The following RAB27A variants were observed in gnomAD, a reference collection of about 807,000 sequenced individuals.
RAB27A encodes ras-related protein Rab-27A.
A neutral mutation model predicts 20.8 loss-of-function variants in RAB27A; 17 were observed. That is an observed-to-expected ratio of 0.82 (90% CI 0.56 to 1.23). RAB27A has a LOEUF of 1.23. Ranked by LOEUF, RAB27A falls within the 50% of genes most tolerant of loss-of-function variation. RAB27A has a pLI of 0.00. For missense variants in RAB27A, 277 were observed against 266.7 expected (o/e 1.04, Z -0.27); for synonymous variants, 85 against 92.8 (o/e 0.92, Z 0.48).
chr15:55,210,022 G>T (rs368360199), intron 6 of RAB27A, among the ~76,000 whole-genome samples: 2 of 132,890 alleles, frequency 1.5e-5, no homozygotes. Context: ...ACATATATAC[G>T]CATATATATG....
chr15:55,272,621 T>C (rs897249050), intron 1 of RAB27A, among the ~76,000 whole-genome samples: 1 of 152,202 alleles, frequency 6.6e-6, no homozygotes, highest in African/African-American at 2.4e-5. Context: ...AAAATATCTT[T>C]CAGACTTCAG....
intron 2 of RAB27A, 105 bp from the exon 3 acceptor site, chr15:55,235,061 G>T: frequency 1.1e-6 from 1 of 896,388 alleles, no homozygotes; most frequent in Non-Finnish European, 1.7e-6. Flanking sequence ...ATGTTAACCT[G>T]TATGTCTACG....
At chr15:55,280,503 T>TTTTATATATATATA (rs145726974) in intron 1 of RAB27A, among the ~76,000 whole-genome samples, 2 of 137,932 alleles carry the variant, frequency 1.4e-5, no homozygotes, top group African/African-American at 5.8e-5. Context: ...TGGGTATGGT[T>TTTTATATATATATA]TATATATATA....
At chr15:55,232,361 G>C (rs1896064710) in intron 3 of RAB27A, among the ~76,000 whole-genome samples, 1 of 152,078 alleles carries the variant, frequency 6.6e-6, no homozygotes, top group Non-Finnish European at 1.5e-5. Context: ...AAGAAACCCA[G>C]GTAGGGGAAA....
At chr15:55,215,945 C>CAAAAAAAAAAA (rs1162706734) in intron 6 of RAB27A, among the ~76,000 whole-genome samples, 3 of 52,884 alleles carry the variant, frequency 5.7e-5, no homozygotes, top group Admixed American at 4.5e-4. Flanking sequence ...GACGCCGTCT[C>CAAAAAAAAAAA]AAAAAAAAAA....
chr15:55,292,142 G>C (rs2054924861), upstream of RAB27A, among the ~76,000 whole-genome samples: 1 of 152,192 alleles, frequency 6.6e-6, no homozygotes, highest in Admixed American at 6.5e-5. Flanking sequence ...CAGAGGCTGT[G>C]CGGTGAATAA....
intron 2 of RAB27A, among the ~76,000 whole-genome samples, chr15:55,313,042 G>C (rs1029736167): frequency 1.3e-5 from 2 of 152,150 alleles, no homozygotes; most frequent in South Asian, 2.1e-4. Flanking sequence ...TTCCAGTCTA[G>C]AGCTAAGCAA....
chr15:55,228,784 C>T, intron 4 of RAB27A, 72 bp from the exon 5 acceptor site: 1 of 1,025,624 alleles, frequency 9.8e-7, no homozygotes, highest in East Asian at 2.4e-5. Context: ...ACAAGCAATG[C>T]CTTCAGCCTC....
chr15:55,223,801 T>C, intron 6 of RAB27A, 88 bp downstream of exon 6: 1 of 1,525,596 alleles, frequency 6.6e-7, no homozygotes, highest in East Asian at 2.3e-5. Flanking sequence ...TTGCTTTAAT[T>C]GTCCACTTTT....
At chr15:55,302,982 TGGG>T (rs376983317) in intron 2 of RAB27A, among the ~76,000 whole-genome samples, 1 of 123,524 alleles carries the variant, frequency 8.1e-6, no homozygotes, top group African/African-American at 3.5e-5. Flanking sequence ...AAGAGGGAGG[TGGG>T]GGGGGGTCAA....
chr15:55,241,626 G>GTATATATATATATATATATATA (rs1353888326), intron 2 of RAB27A, among the ~76,000 whole-genome samples: 3 of 107,282 alleles, frequency 2.8e-5, no homozygotes, highest in African/African-American at 1.8e-4. Flanking sequence ...ATATATATAT[G>GTATATATATATATATATATATA]TGTGTATATA....
chr15:55,265,362 G>T (rs1438313427), intron 2 of RAB27A, among the ~76,000 whole-genome samples: 1 of 152,068 alleles, frequency 6.6e-6, no homozygotes, highest in African/African-American at 2.4e-5. Flanking sequence ...TCTAAGGAGG[G>T]AATCAGAAAA....
At chr15:55,250,368 G>T (rs1595715824) in intron 2 of RAB27A, among the ~76,000 whole-genome samples, 1 of 152,266 alleles carries the variant, frequency 6.6e-6, no homozygotes, top group East Asian at 1.9e-4. Context: ...ATGCTACTTT[G>T]TTAAGCTATT....
chr15:55,303,776 C>T (rs1168234546), intron 2 of RAB27A, among the ~76,000 whole-genome samples: 3 of 127,510 alleles, frequency 2.4e-5, no homozygotes, highest in South Asian at 2.7e-4. Context: ...CCGCCCCGTC[C>T]GGGAGGGAGG....
In RAB27A at chr15:55,203,761, C is replaced by T. The variant is rs973034238; in HGVS notation, c.*1746G>A. On this transcript the variant is annotated 3_prime_UTR_variant, in exon 7 of 7. Coordinates refer to ENST00000336787, the MANE Select transcript of RAB27A (RefSeq NM_183235.3). ...AATGTCTAAATCTTTTCCTCACTAG[C>T]ATATACAATTCAAATGCACAGGCCT... The T allele has an allele frequency of 1.3e-5, 2 of 151,838 alleles. No homozygotes were observed. The highest frequency in any genetic ancestry group is 4.8e-5 in the African/African-American group (2 of 41,332). 9.4% of individuals were successfully genotyped at this position (151,838 alleles called of 1,614,324 possible). A position where few individuals can be genotyped will look rare whatever the true frequency, so the allele number is the denominator to read the frequency against.
upstream of RAB27A, among the ~76,000 whole-genome samples, chr15:55,293,304 C>G (rs2054932759): frequency 6.6e-6 from 1 of 151,812 alleles, no homozygotes; most frequent in Non-Finnish European, 1.5e-5. Flanking sequence ...ACACTTAGCA[C>G]CTGGATGTTG....
chr15:55,312,987 C>T (rs1306094487), intron 2 of RAB27A, among the ~76,000 whole-genome samples: 3 of 152,216 alleles, frequency 2.0e-5, no homozygotes, highest in African/African-American at 4.8e-5. Flanking sequence ...ACAGAGGCTG[C>T]TCCTTGAGCC....
At chr15:55,210,660 C>T (rs929329888) in intron 6 of RAB27A, among the ~76,000 whole-genome samples, 4 of 151,990 alleles carry the variant, frequency 2.6e-5, no homozygotes, top group Non-Finnish European at 5.9e-5. Context: ...TATATATTCT[C>T]GTTATTAATC....
chr15:55,270,337 T>G (rs1353634492), intron 1 of RAB27A, 53 bp from the exon 2 acceptor site: 2 of 152,154 alleles, frequency 1.3e-5, no homozygotes, highest in Non-Finnish European at 2.9e-5. Flanking sequence ...ACTTAAAAAG[T>G]TTTTCAAAAG....
Sources: gnomAD v4.1 joint callset for allele counts (sites outside exome capture counted in the v4.1 genomes callset) on GRCh38, gnomAD v4.1.1 for gene constraint, MANE v1.5 for transcripts, NCBI Gene and HGNC (gene_info 2026-07-23, HGNC 2026-07-21) for gene names.